The following STPG2 variants were observed in gnomAD, a reference collection of about 807,000 sequenced individuals.
STPG2 encodes the protein sperm tail PG-rich repeat containing 2.
STPG2 carries 56 observed loss-of-function variants against 54.2 expected under a neutral mutation model. The observed-to-expected ratio is 1.03, with a 90% confidence interval of 0.83 to 1.29. The LOEUF (loss-of-function observed/expected upper bound fraction) is 1.29. STPG2 is among the 50% of genes most tolerant of loss of function. The pLI, the probability that STPG2 is intolerant of heterozygous loss-of-function variation, is 0.00. For missense variants in STPG2, 596 were observed against 544.9 expected (o/e 1.09, Z -0.93); for synonymous variants, 200 against 181.8 (o/e 1.10, Z -0.81).
intron 9 of STPG2, among the ~76,000 whole-genome samples, chr4:97,767,901 C>T (rs2149059641): frequency 6.6e-6 from 1 of 152,292 alleles, no homozygotes; most frequent in East Asian, 1.9e-4. Context: ...GGCACGATGG[C>T]TCACGCCTGT....
intron 5 of STPG2, among the ~76,000 whole-genome samples, chr4:98,080,757 C>T (rs934911739): frequency 5.3e-5 from 8 of 152,194 alleles, no homozygotes; most frequent in African/African-American, 1.7e-4. Flanking sequence ...TGCCCATCTT[C>T]AAAACATGCA....
At chr4:97,737,330 C>T (rs1725041459) in intron 9 of STPG2, among the ~76,000 whole-genome samples, 1 of 152,170 alleles carries the variant, frequency 6.6e-6, no homozygotes, top group African/African-American at 2.4e-5. Flanking sequence ...GAACACAGTT[C>T]CTCACCAGCA....
intron 9 of STPG2, among the ~76,000 whole-genome samples, chr4:97,726,275 G>A (rs1724622945): frequency 1.3e-5 from 2 of 151,874 alleles, no homozygotes; most frequent in African/African-American, 4.8e-5. Context: ...AAAATAGAAT[G>A]GTAGTGGTCA....
chr4:97,700,468 C>T (rs905793409), intron 10 of STPG2, among the ~76,000 whole-genome samples: 4 of 152,186 alleles, frequency 2.6e-5, no homozygotes, highest in Non-Finnish European at 5.9e-5. Flanking sequence ...TTATCCTTAA[C>T]CTTAGAAGGA....
intron 8 of STPG2, among the ~76,000 whole-genome samples, chr4:97,939,550 G>A (rs1560600458): frequency 6.6e-6 from 1 of 152,148 alleles, no homozygotes; most frequent in Non-Finnish European, 1.5e-5. Context: ...TTACCATTAT[G>A]TAATGCCCTT....
chr4:97,916,252 GT>G (rs1308963697), intron 8 of STPG2: 1 of 152,628 alleles, frequency 6.6e-6, no homozygotes, highest in Non-Finnish European at 1.5e-5. Flanking sequence ...AGTAAGGAAA[GT>G]GGTAACACCT....
intron 5 of STPG2, among the ~76,000 whole-genome samples, chr4:97,982,756 G>A (rs1350202664): frequency 6.6e-6 from 1 of 151,982 alleles, no homozygotes; most frequent in Non-Finnish European, 1.5e-5. Flanking sequence ...TCACCCTTTT[G>A]TATAATAGAA....
intron 5 of STPG2, among the ~76,000 whole-genome samples, chr4:98,042,174 T>A (rs1736980757): frequency 6.6e-6 from 1 of 151,688 alleles, no homozygotes; most frequent in Non-Finnish European, 1.5e-5. Flanking sequence ...AGATCATTCA[T>A]AAGTGTGTCT....
In STPG2 at chr4:97,484,106, G is replaced by A. The variant is rs1730294371; in HGVS notation, c.462+228593C>T. On this transcript the variant is annotated intron_variant, in intron 4 of 4. Transcript: ENST00000522676. ...AGGAGGAAAGTTCATAGCCCCAAAT[G>A]CCTCCATTAAAAAGACTGAAAGAGC... Among the ~76,000 whole-genome samples, 3 of 151,658 alleles carry A rather than the reference G, an allele frequency of 2.0e-5. No homozygotes were observed. In the South Asian group the frequency reaches 6.2e-4, roughly 31 times the overall value.
At chr4:98,098,297 A>G (rs1738920814) in intron 5 of STPG2, among the ~76,000 whole-genome samples, 1 of 152,118 alleles carries the variant, frequency 6.6e-6, no homozygotes, top group Admixed American at 6.6e-5. Context: ...AACAGAATAG[A>G]GAACCCGGAA....
intron 7 of STPG2, among the ~76,000 whole-genome samples, chr4:97,970,177 G>A (rs1734272577): frequency 6.6e-6 from 1 of 152,128 alleles, no homozygotes; most frequent in Non-Finnish European, 1.5e-5. Context: ...ATGAATGGAA[G>A]AATATTCCAT....
intron 7 of STPG2, among the ~76,000 whole-genome samples, chr4:97,948,087 G>C (rs924855926): frequency 6.6e-6 from 1 of 151,774 alleles, no homozygotes; most frequent in Non-Finnish European, 1.5e-5. Flanking sequence ...ATTGCTGCTT[G>C]TTATTGGTCT....
At chr4:97,914,226 T>C (rs1731787569) in intron 8 of STPG2, among the ~76,000 whole-genome samples, 2 of 152,148 alleles carry the variant, frequency 1.3e-5, no homozygotes, top group African/African-American at 4.8e-5. Context: ...GCTCATCATA[T>C]ATTCCAAGAA....
chr4:97,670,522 G>T (rs908893053), intron 10 of STPG2, among the ~76,000 whole-genome samples: 3 of 152,160 alleles, frequency 2.0e-5, no homozygotes, highest in Non-Finnish European at 2.9e-5. Context: ...TGCAACTGGA[G>T]AAAGCATATA....
At chr4:97,930,269 T>C (rs781612450) in intron 8 of STPG2, among the ~76,000 whole-genome samples, 1 of 152,180 alleles carries the variant, frequency 6.6e-6, no homozygotes, top group Non-Finnish European at 1.5e-5. Context: ...ATGTCCAAGA[T>C]AGTATTGGCT....
intron 10 of STPG2, among the ~76,000 whole-genome samples, chr4:97,569,633 G>A (rs1482368681): frequency 6.6e-6 from 1 of 152,078 alleles, no homozygotes; most frequent in Non-Finnish European, 1.5e-5. Flanking sequence ...TAAAGTAGAA[G>A]GGAGGGCTCT....
chr4:97,639,172 A>G (rs1468196080), intron 10 of STPG2, among the ~76,000 whole-genome samples: 7 of 152,260 alleles, frequency 4.6e-5, no homozygotes, highest in Admixed American at 2.0e-4. Context: ...GCCATAAAAA[A>G]TGATGAGTTC....
intron 4 of STPG2, among the ~76,000 whole-genome samples, chr4:97,518,911 A>T (rs1048340879): frequency 6.6e-6 from 1 of 152,080 alleles, no homozygotes; most frequent in South Asian, 2.1e-4. Flanking sequence ...GGGAACATTA[A>T]CAAGTTTTGA....
At chr4:98,008,125 G>A (rs1735627187) in intron 5 of STPG2, among the ~76,000 whole-genome samples, 1 of 152,006 alleles carries the variant, frequency 6.6e-6, no homozygotes, top group Non-Finnish European at 1.5e-5. Flanking sequence ...ATTACAAGAT[G>A]AACTTCATCA....
Sources: allele counts gnomAD v4.1 joint callset (sites outside exome capture counted in the v4.1 genomes callset), GRCh38; gene constraint gnomAD v4.1.1; transcripts MANE v1.5; gene names NCBI Gene and HGNC (gene_info 2026-07-23, HGNC 2026-07-21).